Variants in SKAP2 observed in about 807,000 individuals in gnomAD.
SKAP2 encodes src kinase-associated phosphoprotein 2.
In SKAP2, 28 loss-of-function variants were observed where a neutral mutation model predicts 54.9. That is an observed-to-expected ratio of 0.51 (90% CI 0.38 to 0.70). The LOEUF (loss-of-function observed/expected upper bound fraction) is 0.70. Among genes scored for constraint, SKAP2 ranks in the 30% least tolerant of loss-of-function variants. SKAP2 has a pLI of 0.00. For synonymous variants in SKAP2, 137 were observed against 134.3 expected, an observed-to-expected ratio of 1.02 and a Z score of -0.14; for missense variants, 356 against 424.1, an observed-to-expected ratio of 0.84 and a Z score of 1.41.
intron 9 of SKAP2, among the ~76,000 whole-genome samples, chr7:26,701,309 GT>G (rs754850250): frequency 1.3e-5 from 2 of 152,138 alleles, no homozygotes; most frequent in African/African-American, 2.4e-5. Flanking sequence ...TCTCTAATAA[GT>G]TTTGAAAACA....
chr7:26,805,449 C>A lies in SKAP2; in HGVS notation c.307+38581G>T, dbSNP rs138204809. Among the ~76,000 whole-genome samples the A allele has an allele frequency of 1.8e-3, 267 of 152,286 alleles. 1 individual carries two copies. The highest frequency in any genetic ancestry group is 6.2e-3 in the African/African-American group (257 of 41,552). ...GGGGGTCAACTTCACCCATTTGATTCTAAAGGACAGAATGTGGCTAAAGTG... is the reference window on the plus strand; with the variant it reads ...GGGGGTCAACTTCACCCATTTGATTATAAAGGACAGAATGTGGCTAAAGTG... On this transcript the variant is annotated intron_variant, in intron 4 of 12. Transcript: ENST00000345317.
intron 1 of SKAP2, among the ~76,000 whole-genome samples, chr7:26,855,555 C>A (rs1785144535): frequency 6.6e-6 from 1 of 152,016 alleles, no homozygotes; most frequent in South Asian, 2.1e-4. Context: ...TGAAATATTT[C>A]TTAAGGAAGA....
At chr7:26,760,042 T>C (rs1250048987) in intron 4 of SKAP2, among the ~76,000 whole-genome samples, 1 of 152,176 alleles carries the variant, frequency 6.6e-6, no homozygotes, top group African/African-American at 2.4e-5. Context: ...AAAAGAAACA[T>C]ATGTTAAAGA....
rs1787433165 is a variant in SKAP2 at position 26,716,190 on chromosome 7, A to AT, written c.796+9237dup. Among the ~76,000 whole-genome samples the AT allele has an allele frequency of 2.6e-5, 4 of 152,092 alleles. No homozygotes were observed. The South Asian group carries it at 8.3e-4, about 32-fold the overall frequency. ...TGGTTAAATCTTTATATCCTTACTT[A>AT]TTTTTTGCCTCCTTGGTCTATCAGT... On this transcript the variant is annotated intron_variant, in intron 9 of 12. Coordinates refer to ENST00000345317, the MANE Select transcript of SKAP2 (RefSeq NM_003930.5).
chr7:26,735,423 A>T (rs1227448191), intron 6 of SKAP2, among the ~76,000 whole-genome samples: 1 of 152,190 alleles, frequency 6.6e-6, no homozygotes, highest in African/African-American at 2.4e-5. Flanking sequence ...GGCTATAAAT[A>T]ATAAATACAG....
At chr7:26,766,622 TCTTA>T (rs1294941824) in intron 4 of SKAP2, among the ~76,000 whole-genome samples, 1 of 152,168 alleles carries the variant, frequency 6.6e-6, no homozygotes, top group African/African-American at 2.4e-5. Flanking sequence ...CATAAATAGC[TCTTA>T]CTATTTTGAG....
At chr7:26,684,024 A>G (rs1786572847) in intron 11 of SKAP2, among the ~76,000 whole-genome samples, 1 of 152,154 alleles carries the variant, frequency 6.6e-6, no homozygotes, top group African/African-American at 2.4e-5. Context: ...TATGAAAATT[A>G]AGGGAGCTCA....
chr7:26,806,926 G>A (rs1219882515), intron 4 of SKAP2, among the ~76,000 whole-genome samples: 1 of 152,214 alleles, frequency 6.6e-6, no homozygotes, highest in African/African-American at 2.4e-5. Context: ...GAGTTTGGAA[G>A]AAGCTGATTC....
chr7:26,736,067 T>G (rs1787933647), intron 6 of SKAP2, among the ~76,000 whole-genome samples: 1 of 152,176 alleles, frequency 6.6e-6, no homozygotes, highest in Non-Finnish European at 1.5e-5. Flanking sequence ...AAATGGTAAT[T>G]TTTTTAAAGT....
chr7:26,748,617 G>A (rs1472775312), intron 4 of SKAP2, among the ~76,000 whole-genome samples: 1 of 151,964 alleles, frequency 6.6e-6, no homozygotes, highest in Non-Finnish European at 1.5e-5. Flanking sequence ...ATTAAATTCT[G>A]AAAAATAATA....
chr7:26,803,353 G>A (rs193292072), intron 4 of SKAP2, among the ~76,000 whole-genome samples: 5 of 152,232 alleles, frequency 3.3e-5, no homozygotes, highest in Admixed American at 1.3e-4. Flanking sequence ...GCAAATGGCA[G>A]ACATATGACA....
At chr7:26,838,505 T>A (rs1784758067) in intron 4 of SKAP2, among the ~76,000 whole-genome samples, 1 of 152,190 alleles carries the variant, frequency 6.6e-6, no homozygotes, top group Non-Finnish European at 1.5e-5. Flanking sequence ...CTAAGCAACT[T>A]GTCCTTGACA....
chr7:26,820,856 T>C (rs781515238), intron 4 of SKAP2, among the ~76,000 whole-genome samples: 1 of 152,186 alleles, frequency 6.6e-6, no homozygotes, highest in African/African-American at 2.4e-5. Flanking sequence ...AATTATTCCA[T>C]CCCTTGGTCA....
chr7:26,777,970 A>G (rs933626611), intron 4 of SKAP2, among the ~76,000 whole-genome samples: 3 of 152,088 alleles, frequency 2.0e-5, no homozygotes, highest in Non-Finnish European at 2.9e-5. Context: ...ATATAATTTT[A>G]TAAGCTATAA....
In SKAP2 at chr7:26,725,573, A is replaced by G. The variant is rs1419811038; in HGVS notation, c.659-8T>C. ...TAATATCAGATTCCATATCTATAAAACACATTTCATGAAGTAAATTTTAAA... is the reference window on the plus strand; with the variant it reads ...TAATATCAGATTCCATATCTATAAAGCACATTTCATGAAGTAAATTTTAAA... On this transcript the variant is annotated splice_region_variant and splice_polypyrimidine_tract_variant and intron_variant, in intron 8 of 12. Transcript: ENST00000345317. 7.0e-6 allele frequency: 11 copies of G among 1,574,366 alleles called. No homozygotes were observed. Among genetic ancestry groups the G allele is most frequent in the Non-Finnish European group, 9.5e-6 (11 of 1,162,524 alleles).
At chr7:26,709,416 T>C (rs1787245091) in intron 9 of SKAP2, among the ~76,000 whole-genome samples, 1 of 152,168 alleles carries the variant, frequency 6.6e-6, no homozygotes, top group South Asian at 2.1e-4. Flanking sequence ...TCAGAGCTAG[T>C]ACTAGGAGTG....
intron 2 of SKAP2, 82 bp from the exon 3 acceptor site, chr7:26,854,244 A>G (rs1286346737): frequency 2.3e-6 from 2 of 868,578 alleles, no homozygotes; most frequent in Non-Finnish European, 3.5e-6. Flanking sequence ...AAAATCCAAA[A>G]TCTATATTAA....
intron 9 of SKAP2, among the ~76,000 whole-genome samples, chr7:26,714,176 T>A (rs1787375778): frequency 6.6e-6 from 1 of 152,106 alleles, no homozygotes; most frequent in Admixed American, 6.5e-5. Context: ...TTTGTGTGCT[T>A]AAGAGAAGCA....
intron 4 of SKAP2, among the ~76,000 whole-genome samples, chr7:26,838,081 T>C (rs944907824): frequency 6.6e-6 from 1 of 152,276 alleles, no homozygotes; most frequent in Middle Eastern, 3.4e-3. Flanking sequence ...AAATAAGTAA[T>C]GTAGCAAAGC....
Sources: gnomAD v4.1 joint callset for allele counts (sites outside exome capture counted in the v4.1 genomes callset) on GRCh38, gnomAD v4.1.1 for gene constraint, MANE v1.5 for transcripts, NCBI Gene and HGNC (gene_info 2026-07-23, HGNC 2026-07-21) for gene names.